PODXL2: variants seen among roughly 807,000 people sequenced by gnomAD.
The protein encoded by PODXL2 is podocalyxin like 2.
A neutral mutation model predicts 53.4 loss-of-function variants in PODXL2; 17 were observed. The ratio of observed to expected loss-of-function variants is 0.32; its 90% CI spans 0.22 to 0.48. The LOEUF (loss-of-function observed/expected upper bound fraction) is 0.48. Ranked by LOEUF, PODXL2 falls within the 20% of genes least tolerant of loss-of-function variation. PODXL2 has a pLI of 0.99. For synonymous variants in PODXL2, 311 were observed against 306.7 expected, an observed-to-expected ratio of 1.01 and a Z score of -0.15; for missense variants, 673 against 760.0, an observed-to-expected ratio of 0.89 and a Z score of 1.35.
chr3:127,639,190 C>A, intron 1 of PODXL2, 55 bp from the exon 2 acceptor site: 1 of 1,500,734 alleles, frequency 6.7e-7, no homozygotes, highest in Non-Finnish European at 8.9e-7. Flanking sequence ...AACCTGGCAC[C>A]AGTCTTGTGT....
chr3:127,634,583 GGGCGTGGT>G, intron 1 of PODXL2, among the ~76,000 whole-genome samples: 1 of 151,240 alleles, frequency 6.6e-6, no homozygotes. Flanking sequence ...AAAATTAGCT[GGGCGTGGT>G]GGCAGGTGCC....
intron 2 of PODXL2, among the ~76,000 whole-genome samples, chr3:127,652,464 C>T (rs2074695870): frequency 1.3e-5 from 2 of 152,186 alleles, no homozygotes; most frequent in African/African-American, 4.8e-5. Context: ...CTCTCCTGTG[C>T]AACGAGGGGG....
At chr3:127,651,975 AAGG>A (rs2074692197) in intron 2 of PODXL2, among the ~76,000 whole-genome samples, 1 of 152,148 alleles carries the variant, frequency 6.6e-6, no homozygotes, top group Non-Finnish European at 1.5e-5. Flanking sequence ...GCCCAGCTTT[AAGG>A]AGGTTGGCTG....
chr3:127,631,877 G>A (rs967025103), intron 1 of PODXL2, among the ~76,000 whole-genome samples: 1 of 152,174 alleles, frequency 6.6e-6, no homozygotes, highest in Non-Finnish European at 1.5e-5. Flanking sequence ...TACTGGAAAA[G>A]GAATGAAAAA....
Position 127,672,501 on chromosome 3 carries a change from G to A in PODXL2, c.*21G>A, listed in dbSNP as rs1027056699. On this transcript the variant is annotated 3_prime_UTR_variant, in exon 8 of 8. Transcript: ENST00000342480. Reference sequence around the variant, plus strand: ...TGTGAGCGCAGCCGAGGCGCAGGCCGAGTGGGCCGCCAGGACCAAGCGAGG... The same window carrying A: ...TGTGAGCGCAGCCGAGGCGCAGGCCAAGTGGGCCGCCAGGACCAAGCGAGG... 3 of 1,431,998 alleles carry A rather than the reference G, an allele frequency of 2.1e-6. No homozygotes were observed. The highest frequency in any genetic ancestry group is 2.9e-5 in the African/African-American group (2 of 68,288). 88.7% of individuals were successfully genotyped at this position (1,431,998 alleles called of 1,614,324 possible).
At chr3:127,664,770 T>TA (rs2074786297) in intron 4 of PODXL2, among the ~76,000 whole-genome samples, 2 of 152,108 alleles carry the variant, frequency 1.3e-5, no homozygotes, top group South Asian at 4.2e-4. Flanking sequence ...AACCCGCAAT[T>TA]ACCTTTGCAC....
intron 2 of PODXL2, among the ~76,000 whole-genome samples, chr3:127,652,743 C>T (rs1329303223): frequency 6.6e-6 from 1 of 152,172 alleles, no homozygotes; most frequent in Non-Finnish European, 1.5e-5. Flanking sequence ...CCCAGACACG[C>T]TTTTGGGGTT....
intron 2 of PODXL2, among the ~76,000 whole-genome samples, chr3:127,655,227 G>A (rs1301333882): frequency 3.3e-5 from 5 of 152,054 alleles, no homozygotes; most frequent in Non-Finnish European, 5.9e-5. Flanking sequence ...TTACAGGCAT[G>A]AGTCACCATG....
intron 1 of PODXL2, among the ~76,000 whole-genome samples, chr3:127,632,454 A>T (rs1179741682): frequency 6.6e-6 from 1 of 152,240 alleles, no homozygotes; most frequent in Non-Finnish European, 1.5e-5. Context: ...CTTTCCCAGC[A>T]TACCTGCTGG....
intron 7 of PODXL2, 138 bp downstream of exon 7, chr3:127,671,751 ACTG>A (rs1380928818): frequency 2.5e-6 from 2 of 786,840 alleles, no homozygotes; most frequent in Non-Finnish European, 4.2e-6. Context: ...TCAGCCTAGC[ACTG>A]CTGACTGCTC....
At chr3:127,650,889 GACCTCGTGATCCACCC>G (rs1035271938) in intron 2 of PODXL2, among the ~76,000 whole-genome samples, 14 of 152,076 alleles carry the variant, frequency 9.2e-5, no homozygotes, top group Non-Finnish European at 1.9e-4. Flanking sequence ...TCCATCTCCT[GACCTCGTGATCCACCC>G]ACCTCAGCCT....
In PODXL2 at chr3:127,629,369, C is replaced by T; in HGVS notation, c.70+80C>T. 1 of 990,420 alleles carries T rather than the reference C, an allele frequency of 1.0e-6. No individual in the cohort carries two copies. The highest frequency in any genetic ancestry group is 1.2e-6 in the Non-Finnish European group (1 of 832,192). 61.4% of individuals were successfully genotyped at this position (990,420 alleles called of 1,614,324 possible). ...GCTGGACAGCTCCCCGGGCCGCCAA[C>T]AAAGGGGCCAGAGTGCGGCGCCGCC... On this transcript the variant is annotated intron_variant, in intron 1 of 7. Transcript: ENST00000342480. The surrounding 1 kb of genome is among the most constrained non-coding windows in gnomAD (Gnocchi z 6.4).
intron 1 of PODXL2, among the ~76,000 whole-genome samples, chr3:127,638,761 G>A (rs1425776810): frequency 6.6e-6 from 1 of 152,196 alleles, no homozygotes; most frequent in East Asian, 1.9e-4. Flanking sequence ...TCAGGATACT[G>A]TATTGCTGAA....
rs10049266 is a variant in PODXL2, at chr3:127,672,576, C to T, written c.*96C>T. 1.3e-3 allele frequency: 1,057 copies of T among 793,152 alleles called. 10 individuals carry two copies. The African/African-American group carries it at 0.017, about 13-fold the overall frequency. 49.1% of individuals were successfully genotyped at this position (793,152 alleles called of 1,614,324 possible). On this transcript the variant is annotated 3_prime_UTR_variant, in exon 8 of 8. Transcript: ENST00000342480. Reference sequence around the variant, plus strand: ...AGCCCGCACCAGCCCCGCGCCTACCCGGGCCGCCCCCGCGGCCTGGCCCTC... The same window carrying T: ...AGCCCGCACCAGCCCCGCGCCTACCTGGGCCGCCCCCGCGGCCTGGCCCTC...
At chr3:127,656,461 G>C (rs1453886660) in intron 2 of PODXL2, among the ~76,000 whole-genome samples, 1 of 150,388 alleles carries the variant, frequency 6.6e-6, no homozygotes, top group African/African-American at 2.4e-5. Context: ...CAGGTGTTGG[G>C]CGCGGTGGTT....
At position 127,660,380 on chromosome 3, in the gene PODXL2, T is replaced by G; in HGVS notation, c.352T>G (p.Tyr118Asp). The G allele has an allele frequency of 6.2e-7, 1 of 1,607,812 alleles. No homozygotes were observed. The highest frequency in any genetic ancestry group is 8.5e-7 in the Non-Finnish European group (1 of 1,175,074). The change falls in exon 3 of 8, where the codon TAT becomes GAT. Residue 118 changes from tyrosine (Y) to aspartate (D), a missense_variant and splice_region_variant. Physicochemically the swap from Tyr to Asp is radical, Grantham distance 160 (BLOSUM62 -3). Around this residue, in one of 3 missense-constraint regions of PODXL2, gnomAD observed 588 missense variants for 668.3 expected, o/e 0.88. Transcript: ENST00000342480. ...GAACTTTTCATCTCTGTCCTTAGAT[T>G]ATGTTTTTCCTGACTTAACTGAGAA... Reference protein sequence around the residue: ...SSLDLGPTADYVFPDLTEKAG... With the variant: ...SSLDLGPTADDVFPDLTEKAG...
chr3:127,669,249 C>T (rs1250318403), intron 6 of PODXL2, 47 bp downstream of exon 6: 3 of 1,299,490 alleles, frequency 2.3e-6, no homozygotes, highest in Non-Finnish European at 3.3e-6. Flanking sequence ...TATGCTCCCT[C>T]CTGTCTCTGT....
intron 2 of PODXL2, among the ~76,000 whole-genome samples, chr3:127,656,734 CAAAAAA>C (rs71150487): frequency 1.8e-4 from 5 of 28,116 alleles, no homozygotes; most frequent in East Asian, 2.0e-3. Context: ...GACTCCATCT[CAAAAAA>C]AAAAAAAAAA....
intron 2 of PODXL2, among the ~76,000 whole-genome samples, chr3:127,646,596 C>T (rs1369798649): frequency 1.3e-5 from 2 of 152,102 alleles, no homozygotes; most frequent in Non-Finnish European, 2.9e-5. Context: ...CCATGTTGGC[C>T]AGGATGGTCT....
Sources: allele counts gnomAD v4.1 joint callset (sites outside exome capture counted in the v4.1 genomes callset), GRCh38; gene constraint gnomAD v4.1.1; regional missense constraint gnomAD v4.1.1; non-coding constraint Gnocchi (gnomAD v3.1); transcripts MANE v1.5; gene names NCBI Gene and HGNC (gene_info 2026-07-23, HGNC 2026-07-21).